TRAPPC9: variants seen among roughly 807,000 people sequenced by gnomAD.
TRAPPC9 encodes IKK2 binding protein.
Under a neutral mutation model 124.0 loss-of-function variants are expected in TRAPPC9, and 83 were observed. That is an observed-to-expected ratio of 0.67 (90% CI 0.56 to 0.80). TRAPPC9 has a LOEUF of 0.80. Ranked by LOEUF, TRAPPC9 falls within the 30% of genes least tolerant of loss-of-function variation. The pLI is 0.00. For missense variants in TRAPPC9, 1,302 were observed against 1,508.3 expected (o/e 0.86, Z 2.27); for synonymous variants, 638 against 617.5 (o/e 1.03, Z -0.49).
intron 21 of TRAPPC9, among the ~76,000 whole-genome samples, chr8:139,782,673 G>A (rs937707823): frequency 1.3e-5 from 2 of 152,150 alleles, no homozygotes; most frequent in Non-Finnish European, 2.9e-5. Flanking sequence ...AAATCAGCCA[G>A]GGCATAAAAG....
intron 2 of TRAPPC9, among the ~76,000 whole-genome samples, chr8:140,448,725 A>G (rs1338067450): frequency 6.6e-6 from 1 of 152,240 alleles, no homozygotes; most frequent in Admixed American, 6.5e-5. Flanking sequence ...ACACCTTATC[A>G]GGGATGACTC....
chr8:140,357,919 G>A (rs569699874), intron 9 of TRAPPC9, among the ~76,000 whole-genome samples: 18 of 152,284 alleles, frequency 1.2e-4, no homozygotes, highest in South Asian at 8.3e-4. Context: ...CACGGCTGTC[G>A]CAGGGGCCCC....
intron 10 of TRAPPC9, among the ~76,000 whole-genome samples, chr8:140,305,927 G>A (rs2066117027): frequency 1.3e-5 from 2 of 152,196 alleles, no homozygotes; most frequent in South Asian, 2.1e-4. Context: ...TGCGGGATAG[G>A]AATACAAGAC....
At chr8:140,406,802 G>A (rs2069510423) in intron 5 of TRAPPC9, among the ~76,000 whole-genome samples, 1 of 152,130 alleles carries the variant, frequency 6.6e-6, no homozygotes, top group Non-Finnish European at 1.5e-5. Context: ...TTTGTTTCCT[G>A]CTGATTTTGT....
intron 2 of TRAPPC9, among the ~76,000 whole-genome samples, chr8:140,441,675 C>T (rs1162969873): frequency 6.6e-6 from 1 of 151,878 alleles, no homozygotes; most frequent in Non-Finnish European, 1.5e-5. Flanking sequence ...GGTGATCCTC[C>T]CACCTCAGCC....
chr8:140,438,392 G>A (rs752490608), intron 3 of TRAPPC9, among the ~76,000 whole-genome samples: 45 of 152,226 alleles, frequency 3.0e-4, no homozygotes, highest in East Asian at 5.8e-4. Context: ...ACCACATTTC[G>A]TTTATCCATT....
chr8:140,278,979 T>C (rs1450821036), intron 14 of TRAPPC9, among the ~76,000 whole-genome samples: 1 of 152,250 alleles, frequency 6.6e-6, no homozygotes, highest in Non-Finnish European at 1.5e-5. Context: ...TGACCCACTG[T>C]GTTTTCATCA....
rs548252775 is a variant in TRAPPC9 at position 140,194,085 on chromosome 8, G to A, written c.2556+27374C>T. Among the ~76,000 whole-genome samples the A allele has an allele frequency of 3.8e-3, 572 of 152,264 alleles. 2 individuals are homozygous for A. The highest frequency in any genetic ancestry group is 6.1e-3 in the Non-Finnish European group (414 of 68,024). ...TAGCGCTCCCAGGGTTGAACTCTCTGAAAATTAATTCCATCCAGACATTCT... is the reference window on the plus strand; with the variant it reads ...TAGCGCTCCCAGGGTTGAACTCTCTAAAAATTAATTCCATCCAGACATTCT... On this transcript the variant is annotated intron_variant, in intron 17 of 22. Coordinates refer to ENST00000438773, the MANE Select transcript of TRAPPC9 (RefSeq NM_001160372.4).
chr8:140,037,156 T>C (rs1840948385), intron 17 of TRAPPC9, among the ~76,000 whole-genome samples: 1 of 152,148 alleles, frequency 6.6e-6, no homozygotes, highest in Admixed American at 6.5e-5. Flanking sequence ...TAGCACCCAC[T>C]GTGAAAGCAG....
At chr8:140,080,922 ACT>A (rs1843777615) in intron 17 of TRAPPC9, among the ~76,000 whole-genome samples, 1 of 151,976 alleles carries the variant, frequency 6.6e-6, no homozygotes, top group South Asian at 2.1e-4. Context: ...TTTCATGTCC[ACT>A]CTCTCCCGAG....
intron 17 of TRAPPC9, among the ~76,000 whole-genome samples, chr8:140,204,762 C>A (rs2062882205): frequency 6.6e-6 from 1 of 152,224 alleles, no homozygotes; most frequent in African/African-American, 2.4e-5. Context: ...GGCTTCCTTG[C>A]AGCCTGCAGA....
rs2062042723 is a variant in TRAPPC9 at position 140,175,321 on chromosome 8, T to C, written c.2556+46138A>G. 2.0e-5 allele frequency among the ~76,000 whole-genome samples: 3 copies of C among 151,522 alleles called. No homozygotes were observed. The South Asian group carries it at 6.2e-4, about 32-fold the overall frequency. On this transcript the variant is annotated intron_variant, in intron 17 of 22. Coordinates refer to ENST00000438773, the MANE Select transcript of TRAPPC9 (RefSeq NM_001160372.4). ...TGTCAGCAAGAGATGTATTATTTCT[T>C]TGAGGGAAAGGGAACAAGCAGACAT... is the stretch of plus-strand genomic sequence containing the variant.
intron 21 of TRAPPC9, among the ~76,000 whole-genome samples, chr8:139,792,760 G>T (rs13256625): frequency 0.39 from 59,628 of 152,206 alleles, 13,748 homozygotes; most frequent in Non-Finnish European, 0.52. Context: ...CGGCCGGCGA[G>T]GGATGGGCTC....
chr8:139,768,740 C>G (rs558558405), intron 21 of TRAPPC9, among the ~76,000 whole-genome samples: 1 of 152,344 alleles, frequency 6.6e-6, no homozygotes, highest in South Asian at 2.1e-4. Flanking sequence ...TAAATGTCTA[C>G]TAACATACGT....
chr8:140,130,232 G>T (rs191901182), intron 17 of TRAPPC9, among the ~76,000 whole-genome samples: 3 of 151,208 alleles, frequency 2.0e-5, no homozygotes, highest in Non-Finnish European at 4.4e-5. Flanking sequence ...TGCACAGACC[G>T]GAAGGCTGAT....
At chr8:139,993,834 G>T (rs1379849683) in intron 18 of TRAPPC9, among the ~76,000 whole-genome samples, 6 of 151,986 alleles carry the variant, frequency 3.9e-5, no homozygotes, top group Non-Finnish European at 1.5e-5. Flanking sequence ...TAAAATACTC[G>T]ATATTATCTA....
Position 140,360,182 on chromosome 8 carries a change from C to A in TRAPPC9, c.1363G>T (p.Gly455Cys), listed in dbSNP as rs768846074. The A allele has an allele frequency of 6.2e-7, 1 of 1,614,206 alleles. No individual in the cohort carries two copies. The highest frequency in any genetic ancestry group is 1.1e-5 in the South Asian group (1 of 91,086). Residue 455 changes from glycine to cysteine, a missense_variant, in exon 9 of 23, where the codon GGC (glycine) becomes TGC (cysteine). Physicochemically the swap from Gly to Cys is radical, Grantham distance 159. This residue lies in a region of TRAPPC9 where 657 missense variants were observed against 811.2 expected (regional missense o/e 0.81). Coordinates refer to ENST00000438773, the MANE Select transcript of TRAPPC9 (RefSeq NM_001160372.4). ...PKDFSRGTHRGWAAVQMRLLH... is the reference protein window; with the variant it reads ...PKDFSRGTHRCWAAVQMRLLH... ...AAACGCATCTGGACCGCAGCCCAGCCTCTGTGCGTGCCTGCGATGGAAGTT... is the reference window on the plus strand; with the variant it reads ...AAACGCATCTGGACCGCAGCCCAGCATCTGTGCGTGCCTGCGATGGAAGTT...
chr8:140,024,137 T>C (rs1161398732), intron 17 of TRAPPC9, 58 bp from the exon 18 acceptor site: 3 of 1,599,254 alleles, frequency 1.9e-6, no homozygotes, highest in Non-Finnish European at 2.6e-6. Flanking sequence ...TCTAGTTTGA[T>C]CCACCAGGAG....
intron 17 of TRAPPC9, among the ~76,000 whole-genome samples, chr8:140,094,409 G>A (rs1844788170): frequency 1.3e-5 from 2 of 152,192 alleles, no homozygotes; most frequent in Non-Finnish European, 2.9e-5. Context: ...GCCACGCACG[G>A]TCATTCCATA....
Sources: gnomAD v4.1 joint callset for allele counts (sites outside exome capture counted in the v4.1 genomes callset) on GRCh38, gnomAD v4.1.1 for gene constraint, gnomAD v4.1.1 regional missense constraint, MANE v1.5 for transcripts, NCBI Gene and HGNC (gene_info 2026-07-23, HGNC 2026-07-21) for gene names.